The following PPFIA2 variants were observed in gnomAD, a reference collection of about 807,000 sequenced individuals.
PPFIA2 encodes the protein PPFI scaffold protein A2.
PPFIA2 carries 46 observed loss-of-function variants against 175.5 expected under a neutral mutation model. The ratio of observed to expected loss-of-function variants is 0.26; its 90% confidence interval spans 0.21 to 0.34. The LOEUF (loss-of-function observed/expected upper bound fraction) is 0.34. PPFIA2 is among the 10% of genes least tolerant of loss of function. The pLI, the probability that PPFIA2 is intolerant of heterozygous loss-of-function variation, is 1.00. For synonymous variants in PPFIA2, 568 were observed against 511.4 expected, an observed-to-expected ratio of 1.11 and a Z score of -1.49; for missense variants, 1,179 against 1,506.1, an observed-to-expected ratio of 0.78 and a Z score of 3.60.
chr12:81,380,605 G>T (rs1461042677), intron 9 of PPFIA2, among the ~76,000 whole-genome samples: 1 of 152,054 alleles, frequency 6.6e-6, no homozygotes, highest in Non-Finnish European at 1.5e-5. Flanking sequence ...TATGATAGTT[G>T]CTATCACTGA....
At chr12:81,360,168 C>A (rs1395630720) in intron 15 of PPFIA2, among the ~76,000 whole-genome samples, 1 of 151,848 alleles carries the variant, frequency 6.6e-6, no homozygotes. Context: ...TCTCTCTCCT[C>A]TTTTTTCCAG....
chr12:81,396,560 G>A (rs1017846059), intron 8 of PPFIA2, among the ~76,000 whole-genome samples: 7 of 152,006 alleles, frequency 4.6e-5, no homozygotes, highest in African/African-American at 1.7e-4. Context: ...TTTATGTAGA[G>A]CCTTGTGTAA....
intron 4 of PPFIA2, among the ~76,000 whole-genome samples, chr12:81,525,774 C>G (rs766570660): frequency 1.4e-4 from 21 of 152,174 alleles, no homozygotes; most frequent in Non-Finnish European, 2.8e-4. Flanking sequence ...CATTACAACA[C>G]TGGACATGAA....
rs76609229 is a variant in PPFIA2 at position 81,577,766 on chromosome 12, T to C, written c.303+99025A>G. Among the ~76,000 whole-genome samples, 654 of 151,954 alleles carry C rather than the reference T, an allele frequency of 4.3e-3. 3 individuals carry two copies. The highest frequency in any genetic ancestry group is 0.015 in the African/African-American group (615 of 41,506). On this transcript the variant is annotated intron_variant, in intron 4 of 32. Transcript: ENST00000549396. ...TATAGATGAACATAATTGGTTACTG[T>C]GAACTTGTTTAGTGACAACAAAGCT...
At chr12:81,406,444 T>A (rs2042951852) in intron 7 of PPFIA2, among the ~76,000 whole-genome samples, 1 of 152,132 alleles carries the variant, frequency 6.6e-6, no homozygotes, top group Non-Finnish European at 1.5e-5. Context: ...AAATTTGTTT[T>A]ATTATTATAA....
chr12:81,521,861 C>A (rs1417793640), intron 4 of PPFIA2, among the ~76,000 whole-genome samples: 1 of 151,204 alleles, frequency 6.6e-6, no homozygotes, highest in East Asian at 1.9e-4. Context: ...TTGTAAAAAT[C>A]TATGATCTTG....
chr12:81,332,273 C>T lies in PPFIA2; in HGVS notation c.2549-6403G>A, dbSNP rs182145708. 2.5e-3 allele frequency among the ~76,000 whole-genome samples: 378 copies of T among 152,124 alleles called. 1 individual carries two copies. The highest frequency in any genetic ancestry group is 6.8e-3 in the Middle Eastern group (2 of 294). ...CTTGATCTTTGGTGCTAATCACTTC[C>T]TTTGCTTCATAAGCTGGCATCACAC... On this transcript the variant is annotated intron_variant, in intron 21 of 32. Coordinates refer to ENST00000549396, the MANE Select transcript of PPFIA2 (RefSeq NM_003625.5).
At chr12:81,608,323 AGGAG>A (rs2060539591) in intron 4 of PPFIA2, among the ~76,000 whole-genome samples, 1 of 152,096 alleles carries the variant, frequency 6.6e-6, no homozygotes, top group Non-Finnish European at 1.5e-5. Context: ...TGAGTTAGGG[AGGAG>A]TCCCTCCACT....
intron 8 of PPFIA2, among the ~76,000 whole-genome samples, chr12:81,398,727 A>C (rs1321255861): frequency 1.3e-5 from 2 of 152,144 alleles, no homozygotes; most frequent in Non-Finnish European, 2.9e-5. Context: ...AAGGTTAAGC[A>C]CCAGCATTCC....
intron 24 of PPFIA2, among the ~76,000 whole-genome samples, chr12:81,290,607 G>A (rs2044670306): frequency 6.6e-6 from 1 of 151,670 alleles, no homozygotes; most frequent in African/African-American, 2.4e-5. Flanking sequence ...AGTTGGGAAG[G>A]TTATGAATAG....
chr12:81,489,172 T>C (rs1593840445), intron 4 of PPFIA2, among the ~76,000 whole-genome samples: 1 of 151,934 alleles, frequency 6.6e-6, no homozygotes, highest in East Asian at 1.9e-4. Flanking sequence ...AGGCAAAGTA[T>C]CCTTAAAGCA....
intron 3 of PPFIA2, among the ~76,000 whole-genome samples, chr12:81,692,560 A>G (rs1344468468): frequency 1.3e-5 from 2 of 152,090 alleles, no homozygotes; most frequent in African/African-American, 2.4e-5. Flanking sequence ...TACAGGTTGA[A>G]TCTTTTTAGA....
intron 13 of PPFIA2, 113 bp from the exon 14 acceptor site, chr12:81,367,283 A>G: frequency 1.3e-6 from 1 of 750,106 alleles, no homozygotes; most frequent in Non-Finnish European, 1.8e-6. Context: ...TCCTTAGTTC[A>G]GGTATTTCTT....
At chr12:81,278,907 G>A (rs542334337) in intron 27 of PPFIA2, among the ~76,000 whole-genome samples, 18 of 152,172 alleles carry the variant, frequency 1.2e-4, no homozygotes, top group Admixed American at 9.2e-4. Flanking sequence ...TCTAAGCCCC[G>A]CATTTTAATA....
At chr12:81,285,016 C>T (rs1322916747) in intron 24 of PPFIA2, among the ~76,000 whole-genome samples, 1 of 152,064 alleles carries the variant, frequency 6.6e-6, no homozygotes, top group African/African-American at 2.4e-5. Context: ...GTATCTGATA[C>T]CATTATAGAG....
At chr12:81,388,079 T>A (rs1451889259) in intron 8 of PPFIA2, among the ~76,000 whole-genome samples, 1 of 152,174 alleles carries the variant, frequency 6.6e-6, no homozygotes, top group East Asian at 1.9e-4. Flanking sequence ...ACAGGAGTTC[T>A]ATGTTCAGAT....
intron 4 of PPFIA2, among the ~76,000 whole-genome samples, chr12:81,506,785 A>C (rs77594296): frequency 0.013 from 1,957 of 152,322 alleles, 42 homozygotes; most frequent in African/African-American, 0.044. Flanking sequence ...TTTTCTGACT[A>C]TACAGTCTCT....
chr12:81,685,115 C>T (rs1366428918), intron 3 of PPFIA2, among the ~76,000 whole-genome samples: 2 of 152,044 alleles, frequency 1.3e-5, no homozygotes. Context: ...TGGTTCACAG[C>T]ACTGGGAATA....
chr12:81,495,171 A>G (rs1011591494), intron 4 of PPFIA2, among the ~76,000 whole-genome samples: 1 of 152,026 alleles, frequency 6.6e-6, no homozygotes, highest in Admixed American at 6.6e-5. Flanking sequence ...ATCATCCCCT[A>G]ACAGAAATTT....
Sources: allele counts gnomAD v4.1 joint callset (sites outside exome capture counted in the v4.1 genomes callset), GRCh38; gene constraint gnomAD v4.1.1; transcripts MANE v1.5; gene names NCBI Gene and HGNC (gene_info 2026-07-23, HGNC 2026-07-21).